The following LAYN variants were observed in gnomAD, a reference collection of about 807,000 sequenced individuals.
The protein encoded by LAYN is layilin.
In LAYN, 38 loss-of-function variants were observed where a neutral mutation model predicts 43.6. The observed-to-expected ratio is 0.87, with a 90% confidence interval of 0.67 to 1.14. LAYN has a LOEUF of 1.14. Ranked by LOEUF, LAYN falls within the 50% of genes most tolerant of loss-of-function variation. The pLI is 0.00. For synonymous variants in LAYN, 168 were observed against 172.9 expected, an observed-to-expected ratio of 0.97 and a Z score of 0.22; for missense variants, 479 against 463.8, an observed-to-expected ratio of 1.03 and a Z score of -0.30.
At position 111,554,583 on chromosome 11, in the gene LAYN, AGAAGCT is replaced by A; in HGVS notation, c.569_574del (p.Ala190_Glu191del). 1 of 1,613,130 alleles carries A rather than the reference AGAAGCT, an allele frequency of 6.2e-7. No homozygotes were observed. Among genetic ancestry groups the A allele is most frequent in the Non-Finnish European group, 8.5e-7 (1 of 1,179,556 alleles). ...CAGAGAAACCAGCAGTTCCTTCTAGAGAAGCTGAAGGTAAGCCTGTTACTTGAGATT... is the reference window on the plus strand; with the variant it reads ...CAGAGAAACCAGCAGTTCCTTCTAGAGAAGGTAAGCCTGTTACTTGAGATT... On this transcript the variant is annotated inframe_deletion, in exon 4 of 7. Transcript: ENST00000375614.
At chr11:111,545,982 CA>C (rs1399301612) in intron 2 of LAYN, among the ~76,000 whole-genome samples, 5 of 152,192 alleles carry the variant, frequency 3.3e-5, no homozygotes, top group Non-Finnish European at 5.9e-5. Flanking sequence ...GAACATTCGG[CA>C]GTAGCAATAG....
At chr11:111,551,789 T>C (rs1867747772) in intron 3 of LAYN, among the ~76,000 whole-genome samples, 1 of 152,206 alleles carries the variant, frequency 6.6e-6, no homozygotes, top group South Asian at 2.1e-4. Context: ...GATGATTTCC[T>C]ATAAATGGCA....
At chr11:111,549,578 C>T (rs1389319708) in intron 2 of LAYN, 40 bp from the exon 3 acceptor site, 2 of 1,473,542 alleles carry the variant, frequency 1.4e-6, no homozygotes, top group South Asian at 2.9e-5. Context: ...CTCAGGGGAT[C>T]CTTCTCCAGT....
At position 111,560,380 on chromosome 11, in the gene LAYN, C is replaced by T. The variant is rs1242626941; in HGVS notation, c.1047C>T (p.Asp349=). ...VSVESGFVTN[D]IYEFSPDQMG... ...TGGAGAGTGGATTTGTGACCAATGA[C>T]ATTTATGAGTTCTCCCCAGACCAAA... is the stretch of plus-strand genomic sequence containing the variant. The change falls in exon 7 of 7, where the codon GAC becomes GAT. Residue 349 remains aspartate, a synonymous_variant. Transcript: ENST00000375614. 1.2e-6 allele frequency: 2 copies of T among 1,613,984 alleles called. No individual in the cohort carries two copies. Among genetic ancestry groups the T allele is most frequent in the Admixed American group, 3.3e-5 (2 of 60,006 alleles).
intron 1 of LAYN, 92 bp downstream of exon 1, chr11:111,541,020 G>C (rs1286852818): frequency 8.2e-7 from 1 of 1,212,504 alleles, no homozygotes; most frequent in Non-Finnish European, 1.1e-6. Flanking sequence ...CCACGTATGG[G>C]ACTAGAAGGC....
At chr11:111,541,993 T>G (rs549889020) in intron 1 of LAYN, among the ~76,000 whole-genome samples, 1 of 152,160 alleles carries the variant, frequency 6.6e-6, no homozygotes. Flanking sequence ...ACCCGCAGAC[T>G]TCGGATGTGT....
At chr11:111,555,134 A>ATG in intron 4 of LAYN, 73 bp from the exon 5 acceptor site, 1 of 1,116,530 alleles carries the variant, frequency 9.0e-7, no homozygotes, top group Non-Finnish European at 1.3e-6. Flanking sequence ...CCCAATTTGA[A>ATG]CATGGTAGGA....
chr11:111,559,955 C>A, intron 6 of LAYN, 140 bp from the exon 7 acceptor site: 1 of 932,238 alleles, frequency 1.1e-6, no homozygotes, highest in Non-Finnish European at 1.6e-6. Flanking sequence ...CACTCCGAAG[C>A]CCTGGCCTGT....
At position 111,540,838 on chromosome 11, in the gene LAYN, C is replaced by T. The variant is rs1465391478; in HGVS notation, c.-6C>T. The T allele has an allele frequency of 1.3e-6, 2 of 1,522,578 alleles. No individual in the cohort carries two copies. The highest frequency in any genetic ancestry group is 1.4e-5 in the African/African-American group (1 of 70,808). 94.3% of individuals were successfully genotyped at this position (1,522,578 alleles called of 1,614,324 possible). Reference sequence around the variant, plus strand: ...CGAGTGTCGGGGGGCGCACCCGAGTCGGGCCATGAGGCCGGGAACCGCGCT... The same window carrying T: ...CGAGTGTCGGGGGGCGCACCCGAGTTGGGCCATGAGGCCGGGAACCGCGCT... On this transcript the variant is annotated 5_prime_UTR_variant, in exon 1 of 7. Coordinates refer to ENST00000375614, the MANE Select transcript of LAYN (RefSeq NM_178834.5).
Position 111,549,617 on chromosome 11 carries a change from G to C in LAYN, c.384-1G>C, listed in dbSNP as rs755701192. 6.5e-7 allele frequency: 1 copy of C among 1,541,166 alleles called. No homozygotes were observed. Among genetic ancestry groups the C allele is most frequent in the Non-Finnish European group, 8.7e-7 (1 of 1,151,594 alleles). On this transcript the variant is annotated splice_acceptor_variant, in intron 2 of 6. Transcript: ENST00000375614. LOFTEE classifies it high-confidence loss of function. ...CTCTACTGCTGATCCCTTCCCTACA[G>C]GAACTGGTATGTGGATGAGCCATCC...
chr11:111,543,549 C>T (rs1350311701), intron 1 of LAYN, among the ~76,000 whole-genome samples: 1 of 152,212 alleles, frequency 6.6e-6, no homozygotes, highest in Non-Finnish European at 1.5e-5. Flanking sequence ...AGAGACACCC[C>T]CTTTAAGCCA....
intron 2 of LAYN, among the ~76,000 whole-genome samples, chr11:111,546,414 G>T (rs1229155098): frequency 6.6e-6 from 1 of 152,072 alleles, no homozygotes; most frequent in Non-Finnish European, 1.5e-5. Context: ...TAAAGCTCTG[G>T]CCATTGGGAA....
intron 6 of LAYN, among the ~76,000 whole-genome samples, chr11:111,559,717 C>T (rs1867917101): frequency 6.6e-6 from 1 of 152,110 alleles, no homozygotes; most frequent in Non-Finnish European, 1.5e-5. Flanking sequence ...CCTCAGCCTC[C>T]CAAAGTGTTA....
At chr11:111,550,437 G>A (rs1447054374) in intron 3 of LAYN, among the ~76,000 whole-genome samples, 7 of 152,278 alleles carry the variant, frequency 4.6e-5, no homozygotes, top group Middle Eastern at 3.4e-3. Flanking sequence ...AATTTGAACT[G>A]ATTCTTAATC....
chr11:111,540,657 G>A (rs1012875498), upstream of LAYN: 8 of 552,928 alleles, frequency 1.4e-5, no homozygotes, highest in African/African-American at 1.4e-4. Flanking sequence ...TGCCCTCCTC[G>A]CAGTGACGTC....
intron 2 of LAYN, among the ~76,000 whole-genome samples, chr11:111,549,278 CA>C (rs1320347893): frequency 2.0e-5 from 3 of 152,138 alleles, no homozygotes; most frequent in Non-Finnish European, 2.9e-5. Context: ...TAAAAAAAGA[CA>C]AACAAACCCA....
chr11:111,541,646 G>A lies in LAYN; in HGVS notation c.85+718G>A, dbSNP rs1867541897. 4.1e-6 allele frequency: 6 copies of A among 1,475,304 alleles called. No individual in the cohort carries two copies. The East Asian group carries it at 9.9e-5, about 24-fold the overall frequency. 91.4% of individuals were successfully genotyped at this position (1,475,304 alleles called of 1,614,324 possible). A position where few individuals can be genotyped will look rare whatever the true frequency, so the allele number is the denominator to read the frequency against. Reference sequence around the variant, plus strand: ...TCTGCATGTCGGGGGGAGAACATCCGTGCCCTTTTCTCAGATCCTTTTTGC... The same window carrying A: ...TCTGCATGTCGGGGGGAGAACATCCATGCCCTTTTCTCAGATCCTTTTTGC... On this transcript the variant is annotated intron_variant, in intron 1 of 6. Transcript: ENST00000375614.
upstream of LAYN, chr11:111,540,627 G>A: frequency 2.0e-6 from 1 of 508,864 alleles, no homozygotes; most frequent in Non-Finnish European, 3.4e-6. Flanking sequence ...GGCTGTCGGG[G>A]GCGGGCCAGC....
At chr11:111,557,197 T>C (rs1455799324) in intron 5 of LAYN, among the ~76,000 whole-genome samples, 1 of 151,960 alleles carries the variant, frequency 6.6e-6, no homozygotes, top group Non-Finnish European at 1.5e-5. Flanking sequence ...AACAAAAAGC[T>C]TAATTAACAA....
Sources: gnomAD v4.1 joint callset for allele counts (sites outside exome capture counted in the v4.1 genomes callset) on GRCh38, gnomAD v4.1.1 for gene constraint, MANE v1.5 for transcripts, NCBI Gene and HGNC (gene_info 2026-07-23, HGNC 2026-07-21) for gene names.